GLCCI1: variants seen among roughly 807,000 people sequenced by gnomAD.
The protein encoded by GLCCI1 is glucocorticoid induced 1.
A neutral mutation model predicts 52.2 loss-of-function variants in GLCCI1; 24 were observed. That is an observed-to-expected ratio of 0.46 (90% CI 0.33 to 0.65). The LOEUF (loss-of-function observed/expected upper bound fraction) is 0.65, where lower values mean the gene tolerates loss of function less well. Ranked by LOEUF, GLCCI1 falls within the 30% of genes least tolerant of loss-of-function variation. The pLI is 0.02. For missense variants in GLCCI1, 704 were observed against 701.5 expected (o/e 1.00, Z -0.04); for synonymous variants, 310 against 276.5 (o/e 1.12, Z -1.20).
At chr7:8,080,340 A>G (rs888067702) in intron 6 of GLCCI1, among the ~76,000 whole-genome samples, 1 of 151,628 alleles carries the variant, frequency 6.6e-6, no homozygotes, top group African/African-American at 2.4e-5. Context: ...TTGGTTGAAC[A>G]GTGTACTCAC....
rs73674790 is a variant in GLCCI1 at position 8,062,153 on chromosome 7, A to G, written c.966+1905A>G. Reference sequence around the variant, plus strand: ...AAGGTACCTCTGCTTTTAATAAGCCATACTTCAATTGTAGCCATATCAGAA... The same window carrying G: ...AAGGTACCTCTGCTTTTAATAAGCCGTACTTCAATTGTAGCCATATCAGAA... On this transcript the variant is annotated intron_variant, in intron 5 of 7. Coordinates refer to ENST00000223145, the MANE Select transcript of GLCCI1 (RefSeq NM_138426.4). Among the ~76,000 whole-genome samples the G allele has an allele frequency of 3.6e-3, 542 of 152,348 alleles. 3 individuals carry two copies. The highest frequency in any genetic ancestry group is 0.012 in the African/African-American group (504 of 41,582).
intron 1 of GLCCI1, chr7:7,970,342 G>C (rs1018951958): frequency 2.6e-5 from 4 of 152,064 alleles, no homozygotes; most frequent in African/African-American, 7.3e-5. Context: ...TACAATTGAA[G>C]TGTATACGGT....
chr7:8,003,274 G>A (rs1215506169), intron 1 of GLCCI1, among the ~76,000 whole-genome samples: 2 of 152,160 alleles, frequency 1.3e-5, no homozygotes. Flanking sequence ...ATCTGAACTG[G>A]TCTTGAAGAT....
chr7:8,011,147 T>C (rs945864685), intron 2 of GLCCI1, among the ~76,000 whole-genome samples: 3 of 152,266 alleles, frequency 2.0e-5, no homozygotes, highest in Non-Finnish European at 2.9e-5. Flanking sequence ...TAATGAAATT[T>C]ACCATGAGTG....
rs1456278530 is a variant in GLCCI1 at position 8,087,177 on chromosome 7, C to T, written c.*639C>T. On this transcript the variant is annotated 3_prime_UTR_variant, in exon 8 of 8. Coordinates refer to ENST00000223145, the MANE Select transcript of GLCCI1 (RefSeq NM_138426.4). Reference sequence around the variant, plus strand: ...TTCCTTATTTTATGCATTTCCCTTTCCTCATTACATTCCACATTCTTAGAA... The same window carrying T: ...TTCCTTATTTTATGCATTTCCCTTTTCTCATTACATTCCACATTCTTAGAA... 1 of 152,626 alleles carries T rather than the reference C, an allele frequency of 6.6e-6. No homozygotes were observed. The highest frequency in any genetic ancestry group is 2.4e-5 in the African/African-American group (1 of 41,450). The allele number at this position is 152,626 out of a possible 1,614,324, so 9.5% of individuals were successfully genotyped here.
intron 6 of GLCCI1, among the ~76,000 whole-genome samples, chr7:8,081,449 A>G (rs557301503): frequency 6.6e-6 from 1 of 152,336 alleles, no homozygotes; most frequent in South Asian, 2.1e-4. Context: ...GAGATTTTAC[A>G]TACTACCTGC....
At chr7:8,037,368 C>T (rs1781889865) in intron 3 of GLCCI1, among the ~76,000 whole-genome samples, 1 of 152,184 alleles carries the variant, frequency 6.6e-6, no homozygotes, top group Admixed American at 6.5e-5. Context: ...CACCACTAGA[C>T]TGGTCCTACA....
chr7:8,029,409 A>G (rs936217430), intron 3 of GLCCI1, among the ~76,000 whole-genome samples: 1 of 152,190 alleles, frequency 6.6e-6, no homozygotes, highest in South Asian at 2.1e-4. Flanking sequence ...CTTCATGTCA[A>G]AAACCCTCGA....
rs184494741 is a variant in GLCCI1, at chr7:8,044,985, A to C, written c.697-10448A>C. Among the ~76,000 whole-genome samples, 543 of 152,310 alleles carry C rather than the reference A, an allele frequency of 3.6e-3. 4 individuals are homozygous for C. The highest frequency in any genetic ancestry group is 0.014 in the Middle Eastern group (4 of 294). On this transcript the variant is annotated intron_variant, in intron 3 of 7. Transcript: ENST00000223145. ...ACTATGACTTTAAAGGAAATGATGT[A>C]TAATGAAACCACTTTTACCGTAGGC...
At chr7:8,080,841 G>GTTTTT (rs199681673) in intron 6 of GLCCI1, among the ~76,000 whole-genome samples, 1 of 128,256 alleles carries the variant, frequency 7.8e-6, no homozygotes. Flanking sequence ...TGGTTTTGGG[G>GTTTTT]TTTTTTTTTT....
chr7:8,072,560 T>C (rs1481903176), intron 6 of GLCCI1, among the ~76,000 whole-genome samples: 2 of 152,220 alleles, frequency 1.3e-5, no homozygotes, highest in African/African-American at 4.8e-5. Flanking sequence ...AACCTTTTAA[T>C]GTGGATGTTT....
Position 8,086,119 on chromosome 7 carries a change from T to C in GLCCI1, c.1299-74T>C, listed in dbSNP as rs938211525. 3 of 1,275,800 alleles carry C rather than the reference T, an allele frequency of 2.4e-6. No individual in the cohort carries two copies. Among genetic ancestry groups the C allele is most frequent in the Admixed American group, 2.1e-5 (1 of 46,800 alleles). 79.0% of individuals were successfully genotyped at this position (1,275,800 alleles called of 1,614,324 possible). A position where few individuals can be genotyped will look rare whatever the true frequency, so the allele number is the denominator to read the frequency against. ...TTACATTTTAGCTGTTTTAGAGAACTCCAGTTAATTCAGAAAATGCTTAAC... is the reference window on the plus strand; with the variant it reads ...TTACATTTTAGCTGTTTTAGAGAACCCCAGTTAATTCAGAAAATGCTTAAC... On this transcript the variant is annotated intron_variant, in intron 7 of 7. Coordinates refer to ENST00000223145, the MANE Select transcript of GLCCI1 (RefSeq NM_138426.4). This position sits in a 1 kb window ranked among gnomAD's most constrained non-coding sequence, Gnocchi z 4.4.
At chr7:8,079,272 T>G (rs1782940790) in intron 6 of GLCCI1, among the ~76,000 whole-genome samples, 1 of 64,904 alleles carries the variant, frequency 1.5e-5, no homozygotes, top group African/African-American at 9.5e-5. Flanking sequence ...ATGAACAATA[T>G]GTTCTGTTTT....
At chr7:8,040,790 A>G (rs1781979674) in intron 3 of GLCCI1, among the ~76,000 whole-genome samples, 1 of 152,166 alleles carries the variant, frequency 6.6e-6, no homozygotes, top group Admixed American at 6.5e-5. Flanking sequence ...TTATACACAA[A>G]TGTTTATCGC....
At chr7:8,074,359 C>G (rs1782829138) in intron 6 of GLCCI1, among the ~76,000 whole-genome samples, 1 of 152,030 alleles carries the variant, frequency 6.6e-6, no homozygotes, top group Non-Finnish European at 1.5e-5. Context: ...TAGTTTCTGA[C>G]TCATTTCTTC....
chr7:8,066,930 C>T (rs1445941732), intron 5 of GLCCI1, among the ~76,000 whole-genome samples: 2 of 152,112 alleles, frequency 1.3e-5, no homozygotes, highest in African/African-American at 2.4e-5. Context: ...AGGTCCTGAA[C>T]ATCTCCATTA....
chr7:8,008,897 A>G (rs949461378), intron 2 of GLCCI1, among the ~76,000 whole-genome samples: 1 of 152,024 alleles, frequency 6.6e-6, no homozygotes, highest in South Asian at 2.1e-4. Flanking sequence ...TTCACTGAAC[A>G]GTTTTTTTTT....
intron 2 of GLCCI1, among the ~76,000 whole-genome samples, chr7:8,007,025 G>C (rs146978182): frequency 5.4e-4 from 83 of 152,324 alleles, no homozygotes; most frequent in Middle Eastern, 6.8e-3. Flanking sequence ...TCTACAGCCA[G>C]GCATGGGCTC....
In GLCCI1 at chr7:8,027,403, G is replaced by A. The variant is rs112347928; in HGVS notation, c.696+4834G>A. Among the ~76,000 whole-genome samples the A allele has an allele frequency of 7.2e-5, 11 of 152,202 alleles. 2 individuals are homozygous for A. The highest frequency in any genetic ancestry group is 2.2e-4 in the African/African-American group (9 of 41,514). ...CTGGGGAGGCTGAGGCGCAAGAATC[G>A]CTTGAGCCTGGGAGGTGGAGGTTGC... On this transcript the variant is annotated intron_variant, in intron 3 of 7. Transcript: ENST00000223145.
Sources: gnomAD v4.1 joint callset for allele counts (sites outside exome capture counted in the v4.1 genomes callset) on GRCh38, gnomAD v4.1.1 for gene constraint, Gnocchi (gnomAD v3.1) non-coding constraint, MANE v1.5 for transcripts, NCBI Gene and HGNC (gene_info 2026-07-23, HGNC 2026-07-21) for gene names.